Variants in VAT1 observed in about 807,000 individuals in gnomAD.
The protein encoded by VAT1 is NADPH-dependent quinone oxidoreductase VAT1.
Under a neutral mutation model 33.3 loss-of-function variants are expected in VAT1, and 24 were observed. The ratio of observed to expected loss-of-function variants is 0.72; its 90% CI spans 0.52 to 1.01. The LOEUF (loss-of-function observed/expected upper bound fraction) is 1.01. VAT1 is among the 50% of genes least tolerant of loss of function. The pLI is 0.00. For missense variants in VAT1, 436 were observed against 533.7 expected, an observed-to-expected ratio of 0.82 and a Z score of 1.80; for synonymous variants, 212 against 225.0, an observed-to-expected ratio of 0.94 and a Z score of 0.52.
chr17:43,019,148 G>A, intron 1 of VAT1: 1 of 257,694 alleles, frequency 3.9e-6, no homozygotes, highest in Non-Finnish European at 7.5e-6. Context: ...AGTTAGGGCA[G>A]CATGAAGTAT....
chr17:43,020,778 G>A (rs188298775), intron 1 of VAT1, among the ~76,000 whole-genome samples: 5 of 151,646 alleles, frequency 3.3e-5, no homozygotes, highest in African/African-American at 1.2e-4. Context: ...GAGAGGCTGA[G>A]GCAGGAGAAT....
At position 43,015,702 on chromosome 17, in the gene VAT1, G is replaced by A. The variant is rs1419648149; in HGVS notation, c.*359C>T. 1 of 285,972 alleles carries A rather than the reference G, an allele frequency of 3.5e-6. No homozygotes were observed. Among genetic ancestry groups the A allele is most frequent in the Non-Finnish European group, 6.7e-6 (1 of 150,372 alleles). The allele number at this position is 285,972 out of a possible 1,614,324, so 17.7% of individuals were successfully genotyped here. Reference sequence around the variant, plus strand: ...TTTGGGGAGGTGGCGGGGCAGGGACGGGAGGAAAGATGAGGCAGAGGTGAA... The same window carrying A: ...TTTGGGGAGGTGGCGGGGCAGGGACAGGAGGAAAGATGAGGCAGAGGTGAA... On this transcript the variant is annotated 3_prime_UTR_variant, in exon 6 of 6. Coordinates refer to ENST00000355653, the MANE Select transcript of VAT1 (RefSeq NM_006373.4).
chr17:43,022,326 T>G lies in VAT1; in HGVS notation c.-4A>C. 6.4e-7 allele frequency: 1 copy of G among 1,564,698 alleles called. No individual in the cohort carries two copies. The highest frequency in any genetic ancestry group is 8.6e-7 in the Non-Finnish European group (1 of 1,158,558). On this transcript the variant is annotated 5_prime_UTR_variant, in exon 1 of 6. Coordinates refer to ENST00000355653, the MANE Select transcript of VAT1 (RefSeq NM_006373.4). Reference sequence around the variant, plus strand: ...CTACCTCTCTCTCGTCGGACATGGCTGGGACTCCCGACGAGAGCGCACAGC... The same window carrying G: ...CTACCTCTCTCTCGTCGGACATGGCGGGGACTCCCGACGAGAGCGCACAGC...
At chr17:43,020,166 C>G in intron 1 of VAT1, 1 of 985,370 alleles carries the variant, frequency 1.0e-6, no homozygotes, top group Non-Finnish European at 1.2e-6. Context: ...AACCCTCAGG[C>G]CATCCAAATC....
intron 1 of VAT1, chr17:43,019,078 A>G (rs996050992): frequency 1.1e-5 from 5 of 469,530 alleles, no homozygotes; most frequent in Middle Eastern, 5.9e-4. Flanking sequence ...TATCCTTATC[A>G]TCTTCTTACA....
At chr17:43,020,083 G>A (rs1391791798) in intron 1 of VAT1, 13 of 984,412 alleles carry the variant, frequency 1.3e-5, no homozygotes, top group Non-Finnish European at 1.4e-5. Context: ...TGCGAGGAGT[G>A]CATTGGTCAT....
At position 43,020,086 on chromosome 17, in the gene VAT1, T is replaced by C. The variant is rs890029383; in HGVS notation, c.388-1287A>G. 6.1e-6 allele frequency: 6 copies of C among 984,426 alleles called. No individual in the cohort carries two copies. In the African/African-American group the frequency reaches 8.8e-5, roughly 14 times the overall value. The allele number at this position is 984,426 out of a possible 1,614,324, so 61.0% of individuals were successfully genotyped here. A position where few individuals can be genotyped will look rare whatever the true frequency, so the allele number is the denominator to read the frequency against. ...ACCCAGGAGAGCTGCGAGGAGTGCA[T>C]TGGTCATTTAGGGTCATGGCCAGTC... is the stretch of plus-strand genomic sequence containing the variant. On this transcript the variant is annotated intron_variant, in intron 1 of 5. Coordinates refer to ENST00000355653, the MANE Select transcript of VAT1 (RefSeq NM_006373.4).
intron 1 of VAT1, chr17:43,020,282 T>G (rs1345743865): frequency 1.0e-6 from 1 of 985,300 alleles, no homozygotes; most frequent in Non-Finnish European, 1.2e-6. Context: ...ATTCTTGCCC[T>G]GGACAGGATA....
At position 43,014,738 on chromosome 17, in the gene VAT1, C is replaced by T. The variant is rs1300703443; in HGVS notation, c.*1323G>A. The T allele has an allele frequency of 6.4e-6, 1 of 155,304 alleles. No homozygotes were observed. The highest frequency in any genetic ancestry group is 2.4e-5 in the African/African-American group (1 of 41,446). The allele number at this position is 155,304 out of a possible 1,614,324, so 9.6% of individuals were successfully genotyped here. The stretch of plus-strand genomic sequence containing the variant: ...AGACAATGAGGAGGCTGAGCCTGTC[C>T]CTCCACCTCCCATTGCAATGGTTGG... On this transcript the variant is annotated 3_prime_UTR_variant, in exon 6 of 6. Coordinates refer to ENST00000355653, the MANE Select transcript of VAT1 (RefSeq NM_006373.4).
intron 1 of VAT1, among the ~76,000 whole-genome samples, chr17:43,020,890 A>AAAAG (rs1555572026): frequency 2.9e-5 from 4 of 139,956 alleles, no homozygotes; most frequent in African/African-American, 8.1e-5. Context: ...AAAAAAAAAA[A>AAAAG]AAAAAGAAAA....
chr17:43,021,185 G>A (rs917909884), intron 1 of VAT1, among the ~76,000 whole-genome samples: 1 of 152,208 alleles, frequency 6.6e-6, no homozygotes, highest in Non-Finnish European at 1.5e-5. Context: ...GCATTCCCAA[G>A]GGCAGCCCCG....
rs561121269 is a variant in VAT1 at position 43,015,790 on chromosome 17, G to A, written c.*271C>T. On this transcript the variant is annotated 3_prime_UTR_variant, in exon 6 of 6. Transcript: ENST00000355653. ...GGCACAAAAGCAGCACAGCAGGCCCGGGGAAAGGGTGGGGGCAGGAAGCAG... is the reference window on the plus strand; with the variant it reads ...GGCACAAAAGCAGCACAGCAGGCCCAGGGAAAGGGTGGGGGCAGGAAGCAG... 27 of 527,870 alleles carry A rather than the reference G, an allele frequency of 5.1e-5. 1 individual carries two copies. The highest frequency in any genetic ancestry group is 1.0e-3 in the Middle Eastern group (2 of 1,918). 32.7% of individuals were successfully genotyped at this position (527,870 alleles called of 1,614,324 possible). A position where few individuals can be genotyped will look rare whatever the true frequency, so the allele number is the denominator to read the frequency against.
In VAT1 at chr17:43,022,115, C is replaced by A; in HGVS notation, c.208G>T (p.Ala70Ser). 1 of 1,567,284 alleles carries A rather than the reference C, an allele frequency of 6.4e-7. No individual in the cohort carries two copies. Among genetic ancestry groups the A allele is most frequent in the Non-Finnish European group, 8.6e-7 (1 of 1,156,780 alleles). Reference protein sequence around the residue: ...DKVKLQSRPAAPPAPGPGQLT... With the variant: ...DKVKLQSRPASPPAPGPGQLT... ...TGGCCGGGCCCAGGGGCCGGGGGCG[C>A]TGCCGGCCGGCTCTGCAGCTTCACC... Residue 70 changes from alanine to serine, a missense_variant, in exon 1 of 6, where the codon GCG becomes TCG. Physicochemically the swap from Ala to Ser is moderately conservative, Grantham distance 99. Transcript: ENST00000355653.
intron 2 of VAT1, 33 bp downstream of exon 2, chr17:43,018,559 G>C (rs1207150666): frequency 6.2e-6 from 10 of 1,609,610 alleles, no homozygotes; most frequent in Non-Finnish European, 8.5e-6. Flanking sequence ...ATCTGGGTGG[G>C]GTAAGGGGTG....
intron 1 of VAT1, among the ~76,000 whole-genome samples, chr17:43,021,673 T>G (rs1025110686): frequency 1.3e-4 from 19 of 151,626 alleles, no homozygotes; most frequent in African/African-American, 4.4e-4. Flanking sequence ...CCTTATTGTT[T>G]TCCCCCCCAC....
intron 1 of VAT1, among the ~76,000 whole-genome samples, chr17:43,021,264 G>A (rs2050564806): frequency 6.6e-6 from 1 of 152,240 alleles, no homozygotes; most frequent in African/African-American, 2.4e-5. Context: ...GAGACACAGA[G>A]CCCAAGACAA....
intron 4 of VAT1, 120 bp from the exon 5 acceptor site, chr17:43,016,668 T>C (rs1294485478): frequency 5.6e-6 from 8 of 1,437,974 alleles, no homozygotes; most frequent in East Asian, 2.5e-5. Context: ...CAGGGAGTGA[T>C]TGGATAATTC....
chr17:43,018,992 G>A, intron 1 of VAT1, 193 bp from the exon 2 acceptor site: 1 of 646,472 alleles, frequency 1.5e-6, no homozygotes. Context: ...AGTGCTGACT[G>A]AGGGCCGAGC....
intron 1 of VAT1, among the ~76,000 whole-genome samples, chr17:43,020,627 C>T (rs1044887557): frequency 1.3e-5 from 2 of 152,058 alleles, no homozygotes; most frequent in East Asian, 1.9e-4. Flanking sequence ...TCTGTAACCC[C>T]AGCACTTAGG....
Sources: allele counts gnomAD v4.1 joint callset (sites outside exome capture counted in the v4.1 genomes callset), GRCh38; gene constraint gnomAD v4.1.1; transcripts MANE v1.5; gene names NCBI Gene and HGNC (gene_info 2026-07-23, HGNC 2026-07-21).